The following CCDC51 variants were observed in gnomAD, a reference collection of about 807,000 sequenced individuals.
CCDC51 encodes mitochondrial potassium channel.
A neutral mutation model predicts 24.8 loss-of-function variants in CCDC51; 25 were observed. That is an observed-to-expected ratio of 1.01 (90% CI 0.73 to 1.41). CCDC51 has a LOEUF of 1.41. Among genes scored for constraint, CCDC51 ranks in the 40% most tolerant of loss-of-function variants. The pLI is 0.00. For synonymous variants in CCDC51, 190 were observed against 204.3 expected, an observed-to-expected ratio of 0.93 and a Z score of 0.60; for missense variants, 466 against 519.1, an observed-to-expected ratio of 0.90 and a Z score of 0.99.
At position 48,435,711 on chromosome 3, in the gene CCDC51, A is replaced by G. The variant is rs78362400; in HGVS notation, c.-8-575T>C. 0.021 allele frequency among the ~76,000 whole-genome samples: 3,235 copies of G among 152,222 alleles called. 106 individuals are homozygous for G. The highest frequency in any genetic ancestry group is 0.07 in the African/African-American group (2,896 of 41,522). ...TTCAATTCTGTGCAAGGACCTAAGGACACAGGCCATTTGTGACCCAAGACA... is the reference window on the plus strand; with the variant it reads ...TTCAATTCTGTGCAAGGACCTAAGGGCACAGGCCATTTGTGACCCAAGACA... On this transcript the variant is annotated intron_variant, in intron 1 of 3. Coordinates refer to ENST00000395694, the MANE Select transcript of CCDC51 (RefSeq NM_001256964.2). This position sits in a 1 kb window ranked among gnomAD's most constrained non-coding sequence, Gnocchi z 4.2.
chr3:48,446,535 G>A, the CCDC51 span: 1 of 246,302 alleles, frequency 4.1e-6, no homozygotes, highest in Non-Finnish European at 7.7e-6. Flanking sequence ...AAAGCCACCA[G>A]CGCGGCGGAG....
rs376733571 is a variant in CCDC51 at position 48,432,379 on chromosome 3, C to T, written c.*29G>A. 1.5e-5 allele frequency: 24 copies of T among 1,610,826 alleles called. No individual in the cohort carries two copies. In the African/African-American group the frequency reaches 3.1e-4, roughly 21 times the overall value. ...TTAAATCCACATTCACAGCTATTGCCTCAGACCCTCTGGAGGAGGGGCCAG... is the reference window on the plus strand; with the variant it reads ...TTAAATCCACATTCACAGCTATTGCTTCAGACCCTCTGGAGGAGGGGCCAG... On this transcript the variant is annotated 3_prime_UTR_variant, in exon 4 of 4. Transcript: ENST00000395694.
At chr3:48,440,641 C>T (rs1017253892), upstream of CCDC51, 2 of 1,608,226 alleles carry the variant, frequency 1.2e-6, no homozygotes, top group South Asian at 1.1e-5. Flanking sequence ...AAGTGGGGGC[C>T]GAATGGAGCT....
chr3:48,444,743 G>A (rs2039635593), upstream of CCDC51, among the ~76,000 whole-genome samples: 1 of 152,200 alleles, frequency 6.6e-6, no homozygotes, highest in Non-Finnish European at 1.5e-5. Flanking sequence ...TGTGGAAGAG[G>A]CAGGGCAGGG....
In CCDC51 at chr3:48,433,149, G is replaced by A; in HGVS notation, c.495C>T (p.Arg165=). 6.2e-7 allele frequency: 1 copy of A among 1,611,548 alleles called. No individual in the cohort carries two copies. Among genetic ancestry groups the A allele is most frequent in the Non-Finnish European group, 8.5e-7 (1 of 1,178,432 alleles). ...HRMLQEEKRL[R]TAYLRAEDSE... ...AGTCTTCTGCACGCAGATAGGCTGT[G>A]CGAAGCCTCTTCTCCTCCTGCAGAA... The change falls in exon 4 of 4, where the codon CGC becomes CGT. Residue 165 remains arginine, a synonymous_variant. Coordinates refer to ENST00000395694, the MANE Select transcript of CCDC51 (RefSeq NM_001256964.2). This position sits in a 1 kb window ranked among gnomAD's most constrained non-coding sequence, Gnocchi z 4.4.
In CCDC51 at chr3:48,433,751, T is replaced by C. The variant is rs1436576915; in HGVS notation, c.433A>G (p.Ser145Gly). The C allele has an allele frequency of 1.2e-6, 2 of 1,614,058 alleles. No individual in the cohort carries two copies. Among genetic ancestry groups the C allele is most frequent in the Admixed American group, 1.7e-5 (1 of 60,004 alleles). The change falls in exon 3 of 4, where the codon AGT becomes GGT. Residue 145 changes from serine (S) to glycine (G), a missense_variant. Coordinates refer to ENST00000395694, the MANE Select transcript of CCDC51 (RefSeq NM_001256964.2). The surrounding 1 kb of genome is among the most constrained non-coding windows in gnomAD (Gnocchi z 4.4). ...AGAGTAGCCAGTTCCAAGTACTGACTGTCCTCCCTGGAGACACGGTCCAAG... is the reference window on the plus strand; with the variant it reads ...AGAGTAGCCAGTTCCAAGTACTGACCGTCCTCCCTGGAGACACGGTCCAAG... ...DRLDRVSRED[S>G]QYLELATLEH...
At chr3:48,445,839 C>G in the CCDC51 span, among the ~76,000 whole-genome samples, 2 of 152,312 alleles carry the variant, frequency 1.3e-5, no homozygotes, top group African/African-American at 4.8e-5. Flanking sequence ...TTGCCAAATT[C>G]TCTATTGCGG....
chr3:48,439,863 T>G, intron 1 of CCDC51, 125 bp downstream of exon 1: 1 of 238,094 alleles, frequency 4.2e-6, no homozygotes, highest in East Asian at 8.5e-5. Flanking sequence ...GACCACGTGA[T>G]ATAACTCCCG....
At chr3:48,440,195 G>A (rs1471642080), upstream of CCDC51, 17 of 1,509,610 alleles carry the variant, frequency 1.1e-5, no homozygotes, top group Non-Finnish European at 1.3e-5. Context: ...TCAACTTCCT[G>A]ACTAGGAGCC....
chr3:48,445,714 CTT>C, the CCDC51 span, among the ~76,000 whole-genome samples: 4 of 152,338 alleles, frequency 2.6e-5, no homozygotes, highest in East Asian at 1.9e-4. Context: ...ATAGCACTCT[CTT>C]TTTCATTTAC....
upstream of CCDC51, chr3:48,443,890 C>G: frequency 1.9e-6 from 3 of 1,546,966 alleles, no homozygotes; most frequent in South Asian, 2.5e-5. Context: ...TAAGCTGTTC[C>G]TTGTGCCTGA....
Position 48,433,920 on chromosome 3 carries a change from A to C in CCDC51, c.313-49T>G. 6.3e-7 allele frequency: 1 copy of C among 1,587,656 alleles called. No homozygotes were observed. Among genetic ancestry groups the C allele is most frequent in the Non-Finnish European group, 8.6e-7 (1 of 1,165,618 alleles). On this transcript the variant is annotated intron_variant, in intron 2 of 3. Coordinates refer to ENST00000395694, the MANE Select transcript of CCDC51 (RefSeq NM_001256964.2). The surrounding 1 kb of genome is among the most constrained non-coding windows in gnomAD (Gnocchi z 4.4). ...ATCTGCACCTTCTCTCCACACCCAC[A>C]CAGGCTCAGCTGCATTCCCAGCAAG... is the stretch of plus-strand genomic sequence containing the variant.
intron 1 of CCDC51, 82 bp downstream of exon 1, chr3:48,439,906 T>G: frequency 3.2e-6 from 1 of 314,404 alleles, no homozygotes; most frequent in East Asian, 5.2e-5. Flanking sequence ...CTAATCTCCC[T>G]CCACCCAAGC....
At chr3:48,445,440 T>G (rs1028644566), upstream of CCDC51, among the ~76,000 whole-genome samples, 4 of 152,244 alleles carry the variant, frequency 2.6e-5, no homozygotes, top group Non-Finnish European at 5.9e-5. Context: ...CACCCTTCAG[T>G]AGGCTTCAGG....
chr3:48,439,609 G>A (rs558809177), intron 1 of CCDC51, among the ~76,000 whole-genome samples: 2 of 152,076 alleles, frequency 1.3e-5, no homozygotes, highest in South Asian at 4.2e-4. Flanking sequence ...TCCAGCCTGA[G>A]AGACAAGAGC....
upstream of CCDC51, among the ~76,000 whole-genome samples, chr3:48,442,260 C>CA (rs199829895): frequency 0.029 from 3,758 of 131,670 alleles, 46 homozygotes; most frequent in Non-Finnish European, 0.044. Flanking sequence ...GACCCTATCT[C>CA]AAAAAAAAAA....
Position 48,433,787 on chromosome 3 carries a change from C to T in CCDC51, c.397G>A (p.Val133Met). The T allele has an allele frequency of 1.2e-6, 2 of 1,614,142 alleles. No homozygotes were observed. Among genetic ancestry groups the T allele is most frequent in the African/African-American group, 1.3e-5 (1 of 75,050 alleles). ...LEVHQAKLKE[V>M]RDRLDRVSRE... Reference sequence around the variant, plus strand: ...GAGACACGGTCCAAGCGGTCCCTCACCTCCTTCAGCTTGGCCTGGTGAACT... The same window carrying T: ...GAGACACGGTCCAAGCGGTCCCTCATCTCCTTCAGCTTGGCCTGGTGAACT... Residue 133 changes from valine (V) to methionine (M), a missense_variant, in exon 3 of 4, where the codon GTG (valine) becomes ATG (methionine). Physicochemically the swap from Val to Met is conservative, Grantham distance 21. Transcript: ENST00000395694. This position sits in a 1 kb window ranked among gnomAD's most constrained non-coding sequence, Gnocchi z 4.4.
intron 1 of CCDC51, among the ~76,000 whole-genome samples, chr3:48,439,052 G>A (rs1045390279): frequency 1.8e-4 from 28 of 152,154 alleles, no homozygotes; most frequent in African/African-American, 6.3e-4. Context: ...TTCAAGTCCT[G>A]CTCAAATAGT....
upstream of CCDC51, among the ~76,000 whole-genome samples, chr3:48,442,279 A>G (rs1575431328): frequency 7.0e-6 from 1 of 142,816 alleles, no homozygotes; most frequent in East Asian, 2.0e-4. Flanking sequence ...AAAAAAAAAA[A>G]GGTATCTTGC....
Sources: gnomAD v4.1 joint callset for allele counts (sites outside exome capture counted in the v4.1 genomes callset) on GRCh38, gnomAD v4.1.1 for gene constraint, Gnocchi (gnomAD v3.1) non-coding constraint, MANE v1.5 for transcripts, NCBI Gene and HGNC (gene_info 2026-07-23, HGNC 2026-07-21) for gene names.